CSTPP1: variants seen among roughly 807,000 people sequenced by gnomAD.
CSTPP1 encodes UPF0705 protein C11orf49.
chr11:46,956,406 C>T, the CSTPP1 span, among the ~76,000 whole-genome samples: 34 of 152,276 alleles, frequency 2.2e-4, no homozygotes, highest in Non-Finnish European at 4.0e-4. Flanking sequence ...CCAAAGAACA[C>T]GGAGGAAGAC....
chr11:47,080,164 A>G, the CSTPP1 span, among the ~76,000 whole-genome samples: 1 of 146,108 alleles, frequency 6.8e-6, no homozygotes, highest in African/African-American at 2.5e-5. Context: ...AATTATAAAA[A>G]TAATTTCAGG....
chr11:47,119,186 G>C, the CSTPP1 span, among the ~76,000 whole-genome samples: 939 of 152,360 alleles, frequency 6.2e-3, 6 homozygotes, highest in African/African-American at 0.02. Flanking sequence ...CCCCAGCCAG[G>C]CTGCCGCCTC....
the CSTPP1 span, among the ~76,000 whole-genome samples, chr11:47,010,511 T>A: frequency 6.6e-6 from 1 of 152,186 alleles, no homozygotes; most frequent in Non-Finnish European, 1.5e-5. Context: ...CCAAAGCTCC[T>A]TTGATTCCTG....
At chr11:47,133,654 T>C in the CSTPP1 span, among the ~76,000 whole-genome samples, 2 of 152,236 alleles carry the variant, frequency 1.3e-5, no homozygotes, top group Admixed American at 6.5e-5. Flanking sequence ...ACTTGAATTG[T>C]CTCCTTGATC....
chr11:47,036,214 AATATATAAT>A, the CSTPP1 span, among the ~76,000 whole-genome samples: 2 of 48,328 alleles, frequency 4.1e-5, no homozygotes, highest in Non-Finnish European at 9.2e-5. Flanking sequence ...ATATTATATT[AATATATAAT>A]ATATATAATA....
the CSTPP1 span, among the ~76,000 whole-genome samples, chr11:47,068,020 T>C: frequency 6.8e-6 from 1 of 148,116 alleles, no homozygotes; most frequent in Non-Finnish European, 1.5e-5. Context: ...GGTAATTACT[T>C]TTTTTTTTTA....
chr11:47,122,304 G>T, the CSTPP1 span, among the ~76,000 whole-genome samples: 2 of 151,340 alleles, frequency 1.3e-5, no homozygotes, highest in Non-Finnish European at 2.9e-5. Flanking sequence ...CAAAAACATA[G>T]AATTATAAAA....
chr11:46,970,402 T>TAAATA, the CSTPP1 span, among the ~76,000 whole-genome samples: 2 of 150,066 alleles, frequency 1.3e-5, no homozygotes, highest in African/African-American at 2.4e-5. Flanking sequence ...TTTATAATAA[T>TAAATA]AATAAATAAA....
chr11:47,160,071 G>GC, the CSTPP1 span: 1 of 211,248 alleles, frequency 4.7e-6, no homozygotes, highest in African/African-American at 2.4e-5. Context: ...GGAGGCTAAA[G>GC]CAAGAGGATT....
chr11:46,936,910 C>T, the CSTPP1 span: 1 of 753,158 alleles, frequency 1.3e-6, no homozygotes, highest in Admixed American at 3.8e-5. Flanking sequence ...AGGCCAGGGT[C>T]TGGGAGGAGG....
At chr11:46,937,326 A>C in the CSTPP1 span, among the ~76,000 whole-genome samples, 1 of 122,270 alleles carries the variant, frequency 8.2e-6, no homozygotes, top group Non-Finnish European at 1.7e-5. Context: ...CAGGTGGAGA[A>C]ACTGGGGCTG....
the CSTPP1 span, among the ~76,000 whole-genome samples, chr11:46,951,207 C>T: frequency 1.3e-5 from 2 of 151,584 alleles, no homozygotes; most frequent in African/African-American, 2.4e-5. Context: ...TAAGAGCCTT[C>T]TTTCCCATTC....
the CSTPP1 span, among the ~76,000 whole-genome samples, chr11:46,974,902 A>G: frequency 3.7e-5 from 5 of 135,064 alleles, no homozygotes; most frequent in South Asian, 1.2e-3. Context: ...ACACACACAC[A>G]CAATACTCCA....
the CSTPP1 span, among the ~76,000 whole-genome samples, chr11:47,116,405 T>G: frequency 6.6e-5 from 10 of 152,252 alleles, no homozygotes; most frequent in East Asian, 7.7e-4. Flanking sequence ...TGTCTAATAT[T>G]GACAGTGGGG....
the CSTPP1 span, among the ~76,000 whole-genome samples, chr11:47,012,307 G>A: frequency 6.6e-6 from 1 of 152,196 alleles, no homozygotes; most frequent in East Asian, 1.9e-4. Flanking sequence ...ACTGGGAGAT[G>A]GAAATCTACT....
chr11:46,992,473 G>A, the CSTPP1 span, among the ~76,000 whole-genome samples: 1 of 144,734 alleles, frequency 6.9e-6, no homozygotes, highest in East Asian at 2.1e-4. Flanking sequence ...CCACCTATGA[G>A]TGAGAACATG....
At chr11:46,969,864 A>G in the CSTPP1 span, among the ~76,000 whole-genome samples, 2 of 152,124 alleles carry the variant, frequency 1.3e-5, no homozygotes, top group Admixed American at 1.3e-4. Flanking sequence ...TCCTGGGTTC[A>G]AGCGATTCTC....
chr11:47,056,410 A>G, the CSTPP1 span, among the ~76,000 whole-genome samples: 2 of 152,172 alleles, frequency 1.3e-5, no homozygotes, highest in South Asian at 2.1e-4. Flanking sequence ...TCAAGAATGT[A>G]TTTACTATCA....
the CSTPP1 span, among the ~76,000 whole-genome samples, chr11:47,027,916 C>CT: frequency 2.9e-3 from 394 of 136,060 alleles, 2 homozygotes; most frequent in African/African-American, 9.6e-3. Flanking sequence ...TCTCTATTTT[C>CT]TTTTTTTTTT....
Sources: allele counts gnomAD v4.1 joint callset (sites outside exome capture counted in the v4.1 genomes callset), GRCh38; gene constraint gnomAD v4.1.1; transcripts MANE v1.5; gene names NCBI Gene and HGNC (gene_info 2026-07-23, HGNC 2026-07-21).